Variants in MSH3 observed in about 807,000 individuals in gnomAD.
MSH3 encodes mutS homolog 3, also known as DNA mismatch repair protein Msh3.
Under a neutral mutation model 123.3 loss-of-function variants are expected in MSH3, and 106 were observed. The ratio of observed to expected loss-of-function variants is 0.86; its 90% CI spans 0.73 to 1.01. The LOEUF (loss-of-function observed/expected upper bound fraction) is 1.01. MSH3 is among the 50% of genes least tolerant of loss of function. The pLI is 0.00. For missense variants in MSH3, 1,459 were observed against 1,347.6 expected, an observed-to-expected ratio of 1.08 and a Z score of -1.29; for synonymous variants, 515 against 481.4, an observed-to-expected ratio of 1.07 and a Z score of -0.91.
intron 22 of MSH3, among the ~76,000 whole-genome samples, chr5:80,867,609 TA>T (rs1478909811): frequency 2.0e-5 from 3 of 152,148 alleles, no homozygotes; most frequent in Non-Finnish European, 4.4e-5. Context: ...AAGGTTTTCT[TA>T]GGGGTGGAAT....
At chr5:80,752,439 G>A (rs1328245445) in intron 12 of MSH3, among the ~76,000 whole-genome samples, 1 of 152,090 alleles carries the variant, frequency 6.6e-6, no homozygotes, top group African/African-American at 2.4e-5. Context: ...TTAGAGATAA[G>A]AATAACTAAG....
chr5:80,787,603 T>C lies in MSH3; in HGVS notation c.2474T>C (p.Val825Ala). The change falls in exon 18 of 24, where the codon GTG (valine) becomes GCG (alanine). Residue 825 changes from valine (V) to alanine (A), a missense_variant. By Grantham distance (64) the Val-to-Ala change is moderately conservative. Coordinates refer to ENST00000265081, the MANE Select transcript of MSH3 (RefSeq NM_002439.5). ...CATTATCACTCCTTGTGTAAAGCAG[T>C]GCATCACCTAGCAACTGTTGACTGC... is the stretch of plus-strand genomic sequence containing the variant. Reference protein sequence around the residue: ...SEHYHSLCKAVHHLATVDCIF... With the variant: ...SEHYHSLCKAAHHLATVDCIF... The C allele has an allele frequency of 6.2e-7, 1 of 1,613,926 alleles. No individual in the cohort carries two copies. Among genetic ancestry groups the C allele is most frequent in the African/African-American group, 1.3e-5 (1 of 75,048 alleles).
At chr5:80,752,997 G>A (rs560606843) in intron 12 of MSH3, among the ~76,000 whole-genome samples, 1 of 152,176 alleles carries the variant, frequency 6.6e-6, no homozygotes, top group South Asian at 2.1e-4. Flanking sequence ...AATAACTTCT[G>A]GGAAATGAGA....
At position 80,813,640 on chromosome 5, in the gene MSH3, C is replaced by T. The variant is rs1463696601; in HGVS notation, c.2712C>T (p.Ser904=). The change falls in exon 20 of 24, where the codon TCC becomes TCT. Residue 904 remains serine (S), a synonymous_variant. Transcript: ENST00000265081. ...ITGPNMGGKS[S]YIKQVALITI... is the part of the protein sequence containing the mutation. The stretch of plus-strand genomic sequence containing the variant: ...GACCAAACATGGGTGGAAAGAGCTC[C>T]TACATAAAACAAGTTGCATTGATTA... The T allele has an allele frequency of 1.2e-6, 2 of 1,614,072 alleles. No individual in the cohort carries two copies. Among genetic ancestry groups the T allele is most frequent in the Non-Finnish European group, 1.7e-6 (2 of 1,179,988 alleles).
At chr5:80,766,288 T>C (rs1396694903) in intron 13 of MSH3, among the ~76,000 whole-genome samples, 3 of 151,814 alleles carry the variant, frequency 2.0e-5, no homozygotes, top group Non-Finnish European at 2.9e-5. Context: ...GTTTACTTTA[T>C]AGCTTCTAAC....
chr5:80,855,037 C>A (rs1481006916), intron 21 of MSH3, among the ~76,000 whole-genome samples: 2 of 152,124 alleles, frequency 1.3e-5, no homozygotes, highest in African/African-American at 2.4e-5. Flanking sequence ...TAACATCATT[C>A]CTTCAATACA....
intron 21 of MSH3, among the ~76,000 whole-genome samples, chr5:80,859,155 C>T (rs770394725): frequency 6.6e-6 from 1 of 152,092 alleles, no homozygotes; most frequent in Non-Finnish European, 1.5e-5. Flanking sequence ...GAGTCTCACT[C>T]TGTCACCCAG....
At chr5:80,829,912 A>G (rs1217988219) in intron 20 of MSH3, among the ~76,000 whole-genome samples, 1 of 152,212 alleles carries the variant, frequency 6.6e-6, no homozygotes, top group Non-Finnish European at 1.5e-5. Flanking sequence ...TTTCTTTAAT[A>G]GATACAGGCC....
intron 20 of MSH3, among the ~76,000 whole-genome samples, chr5:80,824,176 C>T (rs909136419): frequency 3.3e-5 from 5 of 152,364 alleles, no homozygotes; most frequent in East Asian, 3.9e-4. Flanking sequence ...AAACCGCCAT[C>T]GTCATCATGG....
At position 80,864,807 on chromosome 5, in the gene MSH3, C is replaced by T. The variant is rs1264575517; in HGVS notation, c.3001-6C>T. On this transcript the variant is annotated splice_region_variant and splice_polypyrimidine_tract_variant and intron_variant, in intron 21 of 23. Coordinates refer to ENST00000265081, the MANE Select transcript of MSH3 (RefSeq NM_002439.5). ...AAATAACATTTATTCTGTCTTATTG[C>T]TTTAGGTGAAATCCTTAACCCTGTT... is the stretch of plus-strand genomic sequence containing the variant. The T allele has an allele frequency of 6.2e-7, 1 of 1,607,758 alleles. No individual in the cohort carries two copies. Among genetic ancestry groups the T allele is most frequent in the Admixed American group, 1.7e-5 (1 of 59,966 alleles).
chr5:80,745,193 C>T (rs998602304), intron 12 of MSH3, among the ~76,000 whole-genome samples: 16 of 152,192 alleles, frequency 1.1e-4, no homozygotes, highest in Non-Finnish European at 1.3e-4. Context: ...ATCGGAATCA[C>T]CTGGGATGCT....
intron 15 of MSH3, among the ~76,000 whole-genome samples, chr5:80,774,406 C>CA (rs201125276): frequency 0.14 from 17,013 of 121,736 alleles, 1,011 homozygotes; most frequent in South Asian, 0.17. Flanking sequence ...GGAGGTCCCT[C>CA]AAAAAAAAAA....
In MSH3 at chr5:80,876,410, C is replaced by G. The variant is rs1263483594; in HGVS notation, c.*548C>G. Reference sequence around the variant, plus strand: ...CTGAGGTCAGGAGTTCAAGACCAGCCTGGCCAACATGGCAAAACCCCATCT... The same window carrying G: ...CTGAGGTCAGGAGTTCAAGACCAGCGTGGCCAACATGGCAAAACCCCATCT... On this transcript the variant is annotated 3_prime_UTR_variant, in exon 24 of 24. Transcript: ENST00000265081. 1 of 170,460 alleles carries G rather than the reference C, an allele frequency of 5.9e-6. No individual in the cohort carries two copies. The highest frequency in any genetic ancestry group is 1.3e-5 in the Non-Finnish European group (1 of 78,960). The allele number at this position is 170,460 out of a possible 1,614,324, so 10.6% of individuals were successfully genotyped here.
intron 16 of MSH3, 131 bp downstream of exon 16, chr5:80,775,889 A>AT: frequency 1.6e-6 from 1 of 631,226 alleles, no homozygotes. Context: ...TTCTGATGGA[A>AT]CTTTTTTTTT....
intron 15 of MSH3, among the ~76,000 whole-genome samples, chr5:80,771,555 A>G (rs1222622612): frequency 1.3e-5 from 2 of 152,052 alleles, no homozygotes; most frequent in Non-Finnish European, 2.9e-5. Context: ...ACTCCATCAA[A>G]TATGATTATC....
At chr5:80,826,994 G>C (rs1040818725) in intron 20 of MSH3, among the ~76,000 whole-genome samples, 1 of 151,890 alleles carries the variant, frequency 6.6e-6, no homozygotes, top group Non-Finnish European at 1.5e-5. Flanking sequence ...TGTACTCATC[G>C]ATGAAATATT....
At chr5:80,811,042 A>G (rs1297989639) in intron 19 of MSH3, among the ~76,000 whole-genome samples, 1 of 150,906 alleles carries the variant, frequency 6.6e-6, no homozygotes, top group Non-Finnish European at 1.5e-5. Context: ...TAAAAAAAAA[A>G]TTGAAATTGG....
chr5:80,819,822 A>G (rs995190406), intron 20 of MSH3, among the ~76,000 whole-genome samples: 3 of 152,124 alleles, frequency 2.0e-5, no homozygotes, highest in Admixed American at 6.5e-5. Context: ...AGTGCACTGT[A>G]GTTTTATGCT....
At chr5:80,701,943 C>A (rs903628336) in intron 8 of MSH3, among the ~76,000 whole-genome samples, 1 of 151,964 alleles carries the variant, frequency 6.6e-6, no homozygotes, top group African/African-American at 2.4e-5. Flanking sequence ...CTATGGAGGC[C>A]TGGTATGGTT....
Sources: gnomAD v4.1 joint callset for allele counts (sites outside exome capture counted in the v4.1 genomes callset) on GRCh38, gnomAD v4.1.1 for gene constraint, MANE v1.5 for transcripts, NCBI Gene and HGNC (gene_info 2026-07-23, HGNC 2026-07-21) for gene names.